Variants in MAJIN observed in about 807,000 individuals in gnomAD.
MAJIN encodes the protein membrane anchored junction protein.
A neutral mutation model predicts 30.2 loss-of-function variants in MAJIN; 27 were observed. That is an observed-to-expected ratio of 0.89 (90% confidence interval 0.66 to 1.23). The LOEUF (loss-of-function observed/expected upper bound fraction) is 1.23. Ranked by LOEUF, MAJIN falls within the 50% of genes most tolerant of loss-of-function variation. The pLI is 0.00. For synonymous variants in MAJIN, 78 were observed against 91.6 expected, an observed-to-expected ratio of 0.85 and a Z score of 0.85; for missense variants, 253 against 260.3, an observed-to-expected ratio of 0.97 and a Z score of 0.19.
At chr11:64,946,276 C>T (rs912489183) in intron 8 of MAJIN, 32 of 1,140,890 alleles carry the variant, frequency 2.8e-5, no homozygotes, top group Non-Finnish European at 3.8e-5. Context: ...TCCTGGCTGG[C>T]AGAATAAATT....
At position 64,950,159 on chromosome 11, in the gene MAJIN, G is replaced by A. The variant is rs574809386; in HGVS notation, c.223+196C>T. On this transcript the variant is annotated intron_variant, in intron 5 of 10. Coordinates refer to ENST00000301896, the MANE Select transcript of MAJIN (RefSeq NM_001037225.3). ...AGCCTGGCCAACATGGTGAAATAGCGCCTCTACTAAAAATACCAAAATTAG... is the reference window on the plus strand; with the variant it reads ...AGCCTGGCCAACATGGTGAAATAGCACCTCTACTAAAAATACCAAAATTAG... Among the ~76,000 whole-genome samples the A allele has an allele frequency of 8.6e-5, 13 of 152,018 alleles. No homozygotes were observed. In the South Asian group the frequency reaches 2.3e-3, roughly 27 times the overall value.
In MAJIN at chr11:64,950,365, A is replaced by G. The variant is rs746986055; in HGVS notation, c.213T>C (p.Ile71=). ...NLQPFATEHF[I]VFPYKSKWER... is the part of the protein sequence containing the mutation. ...AAAAAAAAAGGATACAGGGAAATAC[A>G]ATGAAGTGTTCTGTAGCAAAGGGCT... is the stretch of plus-strand genomic sequence containing the variant. Residue 71 remains isoleucine, a synonymous_variant, in exon 5 of 11, where the codon ATT becomes ATC. Transcript: ENST00000301896. 1.9e-6 allele frequency: 3 copies of G among 1,609,562 alleles called. No homozygotes were observed. Among genetic ancestry groups the G allele is most frequent in the Middle Eastern group, 1.7e-4 (1 of 6,040 alleles).
chr11:64,964,293 T>C (rs1945773108), intron 1 of MAJIN, among the ~76,000 whole-genome samples: 1 of 152,174 alleles, frequency 6.6e-6, no homozygotes, highest in African/African-American at 2.4e-5. Flanking sequence ...CTGTCCACCT[T>C]TGCTGAAGTA....
At chr11:64,961,172 GTTT>G (rs533022844) in intron 1 of MAJIN, among the ~76,000 whole-genome samples, 1 of 143,432 alleles carries the variant, frequency 7.0e-6, no homozygotes. Context: ...TGTTTTTGTG[GTTT>G]TTTTTTTTTT....
chr11:64,956,063 G>A (rs1469095223), intron 3 of MAJIN, among the ~76,000 whole-genome samples: 5 of 152,334 alleles, frequency 3.3e-5, no homozygotes, highest in Middle Eastern at 3.4e-3. Context: ...CACTTTGGGA[G>A]GCCGAGGTGG....
intron 3 of MAJIN, among the ~76,000 whole-genome samples, chr11:64,956,243 G>A (rs1271784651): frequency 6.6e-6 from 1 of 152,076 alleles, no homozygotes; most frequent in Non-Finnish European, 1.5e-5. Context: ...AGGTTTTGGT[G>A]AGCTGAGATT....
intron 2 of MAJIN, 128 bp from the exon 3 acceptor site, chr11:64,959,550 G>C: frequency 1.5e-6 from 1 of 647,964 alleles, no homozygotes. Flanking sequence ...TACTGCCTAC[G>C]TACCAGGATC....
chr11:64,962,289 C>T (rs1390635850), intron 1 of MAJIN, among the ~76,000 whole-genome samples: 1 of 152,230 alleles, frequency 6.6e-6, no homozygotes, highest in African/African-American at 2.4e-5. Flanking sequence ...TAATTGCTGG[C>T]TGCCCGATTC....
intron 5 of MAJIN, 72 bp from the exon 6 acceptor site, chr11:64,949,940 T>C: frequency 1.3e-6 from 2 of 1,544,152 alleles, no homozygotes; most frequent in Non-Finnish European, 1.8e-6. Flanking sequence ...GGGATGAGAC[T>C]CTCTCTCCTT....
chr11:64,957,099 A>G (rs1368672867), intron 3 of MAJIN, among the ~76,000 whole-genome samples: 2 of 147,432 alleles, frequency 1.4e-5, no homozygotes, highest in Admixed American at 6.8e-5. Context: ...TGAAGTTGAG[A>G]CAAGGTCTCA....
intron 1 of MAJIN, among the ~76,000 whole-genome samples, chr11:64,962,142 A>G (rs957055052): frequency 2.0e-5 from 3 of 152,162 alleles, no homozygotes; most frequent in Non-Finnish European, 2.9e-5. Context: ...TAACAGAGGG[A>G]TGGGGCATCA....
chr11:64,939,657 C>T lies in MAJIN; in HGVS notation c.*1+5G>A. 1 of 1,613,024 alleles carries T rather than the reference C, an allele frequency of 6.2e-7. No homozygotes were observed. The highest frequency in any genetic ancestry group is 1.3e-5 in the African/African-American group (1 of 75,010). ...GAGTCTGATGCCGGACAGAAGCTGT[C>T]TTACCTTAGAAACCCAAAGAAGCCG... is the stretch of plus-strand genomic sequence containing the variant. On this transcript the variant is annotated splice_donor_5th_base_variant and intron_variant, in intron 10 of 10. Coordinates refer to ENST00000301896, the MANE Select transcript of MAJIN (RefSeq NM_001037225.3).
At chr11:64,947,305 A>C in intron 8 of MAJIN, 69 bp downstream of exon 8, 2 of 1,375,884 alleles carry the variant, frequency 1.5e-6, no homozygotes, top group Non-Finnish European at 2.0e-6. Flanking sequence ...GGACAGGATC[A>C]ACCAACAGTA....
chr11:64,947,504 A>T (rs749786346), intron 7 of MAJIN, 39 bp from the exon 8 acceptor site: 1 of 1,583,310 alleles, frequency 6.3e-7, no homozygotes, highest in East Asian at 2.2e-5. Flanking sequence ...CCTCCTTTCC[A>T]GAGTTGCTCA....
intron 1 of MAJIN, among the ~76,000 whole-genome samples, chr11:64,964,072 T>C (rs1945768882): frequency 6.6e-6 from 1 of 152,112 alleles, no homozygotes; most frequent in African/African-American, 2.4e-5. Flanking sequence ...GCCTCCCACG[T>C]AGCTGGGATT....
At chr11:64,947,961 G>A (rs1393108359) in intron 6 of MAJIN, 142 bp from the exon 7 acceptor site, 5 of 716,336 alleles carry the variant, frequency 7.0e-6, no homozygotes, top group African/African-American at 1.8e-5. Flanking sequence ...TTGAGTTCAA[G>A]CGATTCTCCT....
At chr11:64,970,960 C>T (rs1466171962) in intron 1 of MAJIN, among the ~76,000 whole-genome samples, 1 of 152,118 alleles carries the variant, frequency 6.6e-6, no homozygotes, top group Non-Finnish European at 1.5e-5. Flanking sequence ...TGGGTATAGA[C>T]CAGAGGAGCA....
intron 6 of MAJIN, among the ~76,000 whole-genome samples, chr11:64,948,640 T>TATATATATATATA (rs869204077): frequency 3.7e-3 from 28 of 7,536 alleles, no homozygotes; most frequent in Admixed American, 0.013. Flanking sequence ...TATATATATA[T>TATATATATATATA]TTTTTTTTTT....
intron 1 of MAJIN, among the ~76,000 whole-genome samples, chr11:64,967,870 T>C (rs549121859): frequency 6.6e-6 from 1 of 152,110 alleles, no homozygotes; most frequent in East Asian, 1.9e-4. Context: ...TAAACAAATA[T>C]AAATTGAGGT....
Sources: allele counts gnomAD v4.1 joint callset (sites outside exome capture counted in the v4.1 genomes callset), GRCh38; gene constraint gnomAD v4.1.1; transcripts MANE v1.5; gene names NCBI Gene and HGNC (gene_info 2026-07-23, HGNC 2026-07-21).